Variants in FSTL5 observed in about 807,000 individuals in gnomAD.
The protein encoded by FSTL5 is follistatin like 5, also known as follistatin-related protein 5.
Under a neutral mutation model 89.1 loss-of-function variants are expected in FSTL5, and 62 were observed. That is an observed-to-expected ratio of 0.70 (90% CI 0.57 to 0.86). The LOEUF is 0.86. Among genes scored for constraint, FSTL5 ranks in the 40% least tolerant of loss-of-function variants. The pLI is 0.00. For missense variants in FSTL5, 1,057 were observed against 1,001.6 expected (o/e 1.06, Z -0.75); for synonymous variants, 383 against 346.2 (o/e 1.11, Z -1.18).
At chr4:162,100,662 C>G (rs1730960434) in intron 2 of FSTL5, among the ~76,000 whole-genome samples, 1 of 151,910 alleles carries the variant, frequency 6.6e-6, no homozygotes, top group African/African-American at 2.4e-5. Flanking sequence ...AAACTATGAA[C>G]TTTGGGTGAT....
At chr4:161,453,398 T>G (rs1733240428) in intron 15 of FSTL5, among the ~76,000 whole-genome samples, 1 of 152,112 alleles carries the variant, frequency 6.6e-6, no homozygotes, top group Non-Finnish European at 1.5e-5. Context: ...AATTGCCAAT[T>G]ACATTAAATT....
At chr4:162,061,767 T>C (rs557055155) in intron 2 of FSTL5, among the ~76,000 whole-genome samples, 1 of 152,146 alleles carries the variant, frequency 6.6e-6, no homozygotes, top group Non-Finnish European at 1.5e-5. Flanking sequence ...TACCTGAAGA[T>C]GATTCATGCT....
chr4:161,938,268 T>C (rs1734486771), intron 3 of FSTL5, among the ~76,000 whole-genome samples: 1 of 152,114 alleles, frequency 6.6e-6, no homozygotes, highest in African/African-American at 2.4e-5. Flanking sequence ...AACTGTATCA[T>C]CAGTAACTAG....
intron 3 of FSTL5, among the ~76,000 whole-genome samples, chr4:161,937,970 T>C (rs1203106135): frequency 6.6e-6 from 1 of 152,166 alleles, no homozygotes; most frequent in Non-Finnish European, 1.5e-5. Context: ...AGTTTCTTTG[T>C]CTAACTACCA....
chr4:161,654,688 C>T, intron 7 of FSTL5, among the ~76,000 whole-genome samples: 1 of 152,036 alleles, frequency 6.6e-6, no homozygotes, highest in Non-Finnish European at 1.5e-5. Context: ...CATCTCAGGC[C>T]TGTGTTTTAG....
chr4:161,724,341 A>T (rs531231132), intron 6 of FSTL5, among the ~76,000 whole-genome samples: 4 of 152,294 alleles, frequency 2.6e-5, no homozygotes, highest in African/African-American at 9.6e-5. Context: ...ATCTCCTGGA[A>T]CTAATAGGCC....
intron 2 of FSTL5, among the ~76,000 whole-genome samples, chr4:162,086,843 A>G (rs1248648127): frequency 6.6e-6 from 1 of 152,122 alleles, no homozygotes; most frequent in Non-Finnish European, 1.5e-5. Context: ...ATAATGTTCA[A>G]TAGTTAAGGA....
At chr4:161,977,169 G>A (rs772849579) in intron 3 of FSTL5, among the ~76,000 whole-genome samples, 1 of 152,074 alleles carries the variant, frequency 6.6e-6, no homozygotes, top group East Asian at 1.9e-4. Context: ...TGTTATAATT[G>A]CTGCAAGTTG....
At chr4:161,527,330 A>G (rs1731257255) in intron 10 of FSTL5, among the ~76,000 whole-genome samples, 1 of 152,208 alleles carries the variant, frequency 6.6e-6, no homozygotes, top group South Asian at 2.1e-4. Context: ...TGCACAGCAA[A>G]AGAAACTACC....
At chr4:161,992,923 T>C (rs1278082927) in intron 3 of FSTL5, among the ~76,000 whole-genome samples, 16 of 8,578 alleles carry the variant, frequency 1.9e-3, no homozygotes, top group East Asian at 5.3e-3. Flanking sequence ...TATATATATA[T>C]ATGTGTGTAT....
At chr4:161,852,336 A>G (rs1731579502) in intron 4 of FSTL5, among the ~76,000 whole-genome samples, 1 of 152,208 alleles carries the variant, frequency 6.6e-6, no homozygotes, top group Non-Finnish European at 1.5e-5. Context: ...TAAACAAACC[A>G]TTGCATGCAT....
chr4:162,020,853 T>C lies in FSTL5; in HGVS notation c.160+12772A>G, dbSNP rs141327936. 1.1e-4 allele frequency among the ~76,000 whole-genome samples: 17 copies of C among 152,274 alleles called. No homozygotes were observed. In the East Asian group the frequency reaches 2.1e-3, roughly 19 times the overall value. On this transcript the variant is annotated intron_variant, in intron 3 of 15. Coordinates refer to ENST00000306100, the MANE Select transcript of FSTL5 (RefSeq NM_020116.5). ...ATTTATGATTTTTCAGCAAATATCA[T>C]GTACCTTGTGCTGATTGAACCAAAT...
At chr4:161,900,666 A>G in intron 4 of FSTL5, among the ~76,000 whole-genome samples, 1 of 145,670 alleles carries the variant, frequency 6.9e-6, no homozygotes, top group African/African-American at 2.5e-5. Flanking sequence ...AAAGAAAGAA[A>G]GAAAGAAAGA....
chr4:162,047,819 C>G (rs552000652), intron 2 of FSTL5, among the ~76,000 whole-genome samples: 1 of 151,854 alleles, frequency 6.6e-6, no homozygotes, highest in Non-Finnish European at 1.5e-5. Context: ...GAGAGAAACT[C>G]CATCTCAAAA....
At chr4:161,981,265 T>C (rs1306954349) in intron 3 of FSTL5, among the ~76,000 whole-genome samples, 14 of 152,188 alleles carry the variant, frequency 9.2e-5, no homozygotes, top group Admixed American at 9.2e-4. Context: ...TGAAATTCAC[T>C]AGCATGCACA....
intron 6 of FSTL5, among the ~76,000 whole-genome samples, chr4:161,739,354 A>T (rs1325960483): frequency 6.6e-6 from 1 of 152,178 alleles, no homozygotes; most frequent in East Asian, 1.9e-4. Context: ...TCCTTCACTC[A>T]TGCCTCAGAA....
chr4:162,134,288 A>G (rs1020873013), intron 1 of FSTL5, among the ~76,000 whole-genome samples: 4 of 152,112 alleles, frequency 2.6e-5, no homozygotes, highest in African/African-American at 9.7e-5. Flanking sequence ...AGGGAGAATA[A>G]TTTTTGTCAG....
intron 6 of FSTL5, among the ~76,000 whole-genome samples, chr4:161,663,958 ACT>A (rs1017510078): frequency 8.8e-4 from 133 of 151,912 alleles, no homozygotes; most frequent in African/African-American, 2.9e-3. Context: ...TGTGGCTTCC[ACT>A]CTCTGAATCC....
At chr4:161,964,747 C>T (rs556178625) in intron 3 of FSTL5, among the ~76,000 whole-genome samples, 17 of 152,052 alleles carry the variant, frequency 1.1e-4, no homozygotes, top group Admixed American at 3.3e-4. Context: ...CCTTCTAGGA[C>T]GCAGCATGAT....
Sources: allele counts gnomAD v4.1 joint callset (sites outside exome capture counted in the v4.1 genomes callset), GRCh38; gene constraint gnomAD v4.1.1; transcripts MANE v1.5; gene names NCBI Gene and HGNC (gene_info 2026-07-23, HGNC 2026-07-21).